Variants in TENM2 observed in about 807,000 individuals in gnomAD.
TENM2 encodes teneurin transmembrane protein 2, also known as teneurin-2.
A neutral mutation model predicts 245.2 loss-of-function variants in TENM2; 52 were observed. The ratio of observed to expected loss-of-function variants is 0.21; its 90% CI spans 0.17 to 0.27. The LOEUF (loss-of-function observed/expected upper bound fraction) is 0.27. TENM2 is among the 10% of genes least tolerant of loss of function. The pLI, the probability that TENM2 is intolerant of heterozygous loss-of-function variation, is 1.00. For synonymous variants in TENM2, 1,363 were observed against 1,438.9 expected, an observed-to-expected ratio of 0.95 and a Z score of 1.19; for missense variants, 3,046 against 3,666.8, an observed-to-expected ratio of 0.83 and a Z score of 4.37.
At chr5:167,733,984 G>A (rs1191983623) in intron 2 of TENM2, among the ~76,000 whole-genome samples, 1 of 152,196 alleles carries the variant, frequency 6.6e-6, no homozygotes, top group African/African-American at 2.4e-5. Context: ...ACTAAGGAGT[G>A]TAGTGAGATC....
At chr5:167,668,139 T>C (rs1755693503) in intron 2 of TENM2, among the ~76,000 whole-genome samples, 1 of 152,178 alleles carries the variant, frequency 6.6e-6, no homozygotes. Context: ...TTGCTCCCTC[T>C]AAGTGAGCTG....
intron 2 of TENM2, among the ~76,000 whole-genome samples, chr5:167,550,837 C>T (rs991857078): frequency 1.3e-5 from 2 of 151,024 alleles, no homozygotes; most frequent in Admixed American, 6.6e-5. Flanking sequence ...TCAAGCAGTT[C>T]TTCTGCCTCA....
Position 167,900,435 on chromosome 5 carries a change from T to C in TENM2, c.712+24240T>C, listed in dbSNP as rs567614450. ...GGCAAGAGAAGAAACTTTTCCAGGCTTGGCATGAGGACCTCTCTGTTTGTA... is the reference window on the plus strand; with the variant it reads ...GGCAAGAGAAGAAACTTTTCCAGGCCTGGCATGAGGACCTCTCTGTTTGTA... On this transcript the variant is annotated intron_variant, in intron 3 of 28. Coordinates refer to ENST00000518659, the Ensembl canonical transcript of TENM2. Among the ~76,000 whole-genome samples the C allele has an allele frequency of 3.2e-4, 48 of 152,308 alleles. 1 individual carries two copies. In the South Asian group the frequency reaches 3.3e-3, roughly 11 times the overall value.
chr5:167,885,648 A>G (rs142775404), intron 3 of TENM2, among the ~76,000 whole-genome samples: 130 of 152,144 alleles, frequency 8.5e-4, no homozygotes, highest in African/African-American at 2.8e-3. Context: ...AAAATACAAA[A>G]CACCCTTCTC....
At chr5:167,922,316 A>C (rs1777432883) in intron 3 of TENM2, among the ~76,000 whole-genome samples, 1 of 152,094 alleles carries the variant, frequency 6.6e-6, no homozygotes. Flanking sequence ...AGACTTCATC[A>C]TCAGTAGCTG....
chr5:167,637,498 C>T (rs1779279086), intron 2 of TENM2, among the ~76,000 whole-genome samples: 1 of 152,182 alleles, frequency 6.6e-6, no homozygotes, highest in Non-Finnish European at 1.5e-5. Flanking sequence ...ATAAATTATT[C>T]TGCTATAAAG....
At chr5:167,819,418 C>A (rs1434471271) in intron 2 of TENM2, among the ~76,000 whole-genome samples, 1 of 152,144 alleles carries the variant, frequency 6.6e-6, no homozygotes, top group Non-Finnish European at 1.5e-5. Context: ...CTCTTGCCTC[C>A]TTGTGTTCTT....
intron 2 of TENM2, among the ~76,000 whole-genome samples, chr5:167,789,609 T>C (rs772199738): frequency 3.9e-5 from 6 of 152,232 alleles, no homozygotes; most frequent in Admixed American, 6.5e-5. Context: ...TCATTTGGGT[T>C]GGTTTTCTTT....
chr5:168,086,841 G>A (rs1792502206), intron 7 of TENM2, among the ~76,000 whole-genome samples: 1 of 152,192 alleles, frequency 6.6e-6, no homozygotes, highest in South Asian at 2.1e-4. Context: ...GGATGAAAAG[G>A]AAACTCTGGC....
At chr5:167,366,998 G>T (rs1760096884) in intron 1 of TENM2, among the ~76,000 whole-genome samples, 1 of 152,150 alleles carries the variant, frequency 6.6e-6, no homozygotes. Flanking sequence ...TGAACTGCCA[G>T]TTTTTCAGCA....
At chr5:167,526,645 C>T (rs77030711) in intron 2 of TENM2, among the ~76,000 whole-genome samples, 3,139 of 151,798 alleles carry the variant, frequency 0.021, 59 homozygotes, top group Non-Finnish European at 0.029. Flanking sequence ...TTATACATGC[C>T]AGTATATTAA....
chr5:167,153,426 CTCG>C, the TENM2 span, among the ~76,000 whole-genome samples: 2 of 151,898 alleles, frequency 1.3e-5, no homozygotes, highest in African/African-American at 2.4e-5. Context: ...TGTCTTCATC[CTCG>C]TCATCTTCAA....
At chr5:167,697,688 C>A (rs1463917008) in intron 2 of TENM2, among the ~76,000 whole-genome samples, 1 of 152,098 alleles carries the variant, frequency 6.6e-6, no homozygotes, top group Admixed American at 6.5e-5. Flanking sequence ...CCATGTCCAG[C>A]TAATTTTTGT....
At chr5:167,660,520 G>A (rs921805026) in intron 2 of TENM2, 13 of 149,350 alleles carry the variant, frequency 8.7e-5, no homozygotes, top group African/African-American at 2.7e-4. Context: ...AAATGTGGTG[G>A]TCAAATTAGA....
intron 2 of TENM2, among the ~76,000 whole-genome samples, chr5:167,839,350 C>G (rs1025332915): frequency 2.0e-5 from 3 of 152,162 alleles, no homozygotes; most frequent in Non-Finnish European, 4.4e-5. Flanking sequence ...TATTGTTTTC[C>G]TCAGTGAAAT....
chr5:167,837,691 T>A (rs1769128361), intron 2 of TENM2, among the ~76,000 whole-genome samples: 1 of 152,328 alleles, frequency 6.6e-6, no homozygotes, highest in Admixed American at 6.5e-5. Context: ...CTGTGCTTTT[T>A]AAAAATCTCT....
the TENM2 span, among the ~76,000 whole-genome samples, chr5:167,140,437 C>G: frequency 6.6e-6 from 1 of 152,126 alleles, no homozygotes; most frequent in Non-Finnish European, 1.5e-5. Flanking sequence ...TCTGATTACT[C>G]TTACTGGTTT....
At chr5:167,997,414 G>C (rs1784134795) in intron 5 of TENM2, among the ~76,000 whole-genome samples, 1 of 152,350 alleles carries the variant, frequency 6.6e-6, no homozygotes, top group African/African-American at 2.4e-5. Context: ...TTCTAACGCA[G>C]TGGATAGAAA....
chr5:167,237,017 C>G, the TENM2 span, among the ~76,000 whole-genome samples: 3 of 151,954 alleles, frequency 2.0e-5, no homozygotes, highest in African/African-American at 2.4e-5. Context: ...CTCTTAGGTG[C>G]AGATGGCATC....
Sources: allele counts gnomAD v4.1 joint callset (sites outside exome capture counted in the v4.1 genomes callset), GRCh38; gene constraint gnomAD v4.1.1; transcripts MANE v1.5; gene names NCBI Gene and HGNC (gene_info 2026-07-23, HGNC 2026-07-21).